Variants in PHACTR4 observed in about 807,000 individuals in gnomAD.
PHACTR4 encodes the protein protein phosphatase 1, regulatory subunit 124.
In PHACTR4, 51 loss-of-function variants were observed where a neutral mutation model predicts 72.7. That is an observed-to-expected ratio of 0.70 (90% CI 0.56 to 0.89). The LOEUF is 0.89. Ranked by LOEUF, PHACTR4 falls within the 40% of genes least tolerant of loss-of-function variation. PHACTR4 has a pLI of 0.00. For missense variants in PHACTR4, 731 were observed against 861.8 expected, an observed-to-expected ratio of 0.85 and a Z score of 1.90; for synonymous variants, 255 against 302.5, an observed-to-expected ratio of 0.84 and a Z score of 1.63.
chr1:28,397,831 G>A (rs1461379686), intron 1 of PHACTR4, among the ~76,000 whole-genome samples: 1 of 151,904 alleles, frequency 6.6e-6, no homozygotes, highest in Admixed American at 6.6e-5. Context: ...GAGTAGCTGG[G>A]ACTACAGGTG....
intron 8 of PHACTR4, among the ~76,000 whole-genome samples, chr1:28,478,945 T>C (rs1430781462): frequency 6.6e-6 from 1 of 152,186 alleles, no homozygotes; most frequent in East Asian, 1.9e-4. Context: ...TTAAGGAACC[T>C]CCATAGTGTT....
At chr1:28,371,859 G>A (rs1651272444) in intron 1 of PHACTR4, among the ~76,000 whole-genome samples, 1 of 151,912 alleles carries the variant, frequency 6.6e-6, no homozygotes, top group Admixed American at 6.6e-5. Flanking sequence ...CTCCCAAAGT[G>A]CTGGTATTAA....
At chr1:28,468,875 C>T (rs907358264) in intron 6 of PHACTR4, among the ~76,000 whole-genome samples, 39 of 152,186 alleles carry the variant, frequency 2.6e-4, no homozygotes, top group African/African-American at 8.9e-4. Context: ...TGCTCTACAC[C>T]AGTGGCATAC....
intron 1 of PHACTR4, 86 bp downstream of exon 1, chr1:28,369,911 C>G: frequency 2.5e-6 from 1 of 400,240 alleles, no homozygotes. Flanking sequence ...CCTTTCTTGG[C>G]TCTGCGAGAG....
intron 1 of PHACTR4, among the ~76,000 whole-genome samples, chr1:28,397,950 T>A (rs2124231041): frequency 6.6e-6 from 1 of 151,980 alleles, no homozygotes. Context: ...CCTGACCTCA[T>A]GATCCGCCCG....
At chr1:28,392,501 C>G (rs569926362) in intron 1 of PHACTR4, among the ~76,000 whole-genome samples, 1 of 151,706 alleles carries the variant, frequency 6.6e-6, no homozygotes, top group Non-Finnish European at 1.5e-5. Context: ...CTCCTGAGCT[C>G]AAACAATCCT....
chr1:28,393,813 T>G (rs1297586570), intron 1 of PHACTR4, among the ~76,000 whole-genome samples: 1 of 152,018 alleles, frequency 6.6e-6, no homozygotes, highest in Non-Finnish European at 1.5e-5. Context: ...TCAGGTGATC[T>G]TCCCACCTCA....
intron 2 of PHACTR4, chr1:28,457,260 C>G (rs1570015188): frequency 4.6e-6 from 2 of 434,276 alleles, no homozygotes; most frequent in East Asian, 1.4e-4. Flanking sequence ...AAATTTAATG[C>G]TGTTGGTTGT....
At chr1:28,389,476 ACTTT>A (rs1282266716) in intron 1 of PHACTR4, among the ~76,000 whole-genome samples, 4 of 137,450 alleles carry the variant, frequency 2.9e-5, no homozygotes, top group African/African-American at 1.2e-4. Context: ...TTTGTATACT[ACTTT>A]TTTTTTTTTT....
At chr1:28,455,201 T>TCTTTC (rs1250797359) in intron 2 of PHACTR4, among the ~76,000 whole-genome samples, 6 of 133,772 alleles carry the variant, frequency 4.5e-5, no homozygotes, top group African/African-American at 1.3e-4. Flanking sequence ...TTTCTTTCTT[T>TCTTTC]TTTTTTTTTT....
chr1:28,449,950 G>C (rs1032350898), intron 2 of PHACTR4, among the ~76,000 whole-genome samples: 16 of 152,014 alleles, frequency 1.1e-4, no homozygotes, highest in Admixed American at 9.8e-4. Context: ...GGTGGTTGAA[G>C]AAACTACTAG....
At chr1:28,384,536 A>G (rs1312156131) in intron 1 of PHACTR4, among the ~76,000 whole-genome samples, 5 of 151,980 alleles carry the variant, frequency 3.3e-5, no homozygotes, top group South Asian at 2.1e-4. Flanking sequence ...TTGTGATTAT[A>G]TTTGAATCTT....
intron 1 of PHACTR4, among the ~76,000 whole-genome samples, chr1:28,394,788 G>C (rs1018056140): frequency 3.3e-5 from 5 of 151,672 alleles, no homozygotes; most frequent in Non-Finnish European, 7.4e-5. Flanking sequence ...TGGAGATGGG[G>C]TTTCTCCATG....
At position 28,466,659 on chromosome 1, in the gene PHACTR4, T is replaced by C; in HGVS notation, c.714T>C (p.Pro238=). Residue 238 remains proline, a synonymous_variant, in exon 6 of 14, where the codon CCT becomes CCC. Coordinates refer to ENST00000373839, the MANE Select transcript of PHACTR4 (RefSeq NM_001048183.3). ...CACCCAGGACTCTGCCTGCTGCTCCTGCCAGCACTAACACTACTGCTACCC... is the reference window on the plus strand; with the variant it reads ...CACCCAGGACTCTGCCTGCTGCTCCCGCCAGCACTAACACTACTGCTACCC... ...SPAPRTLPAA[P]ASTNTTATPS... 1.2e-6 allele frequency: 2 copies of C among 1,614,034 alleles called. No homozygotes were observed. The highest frequency in any genetic ancestry group is 1.1e-5 in the South Asian group (1 of 91,086).
intron 13 of PHACTR4, chr1:28,494,436 C>A (rs1379721548): frequency 6.6e-6 from 1 of 152,212 alleles, no homozygotes; most frequent in Non-Finnish European, 1.5e-5. Context: ...GCAGGTGGAT[C>A]ACTTGAGGCC....
Position 28,452,319 on chromosome 1 carries a change from G to A in PHACTR4, c.17-6766G>A, listed in dbSNP as rs551581568. On this transcript the variant is annotated intron_variant, in intron 2 of 13. Transcript: ENST00000373839. ...CCAGGAGTTCAAGGTCGACCTGGGC[G>A]ACATAGTGAGACCCCATCTCTACAA... is the stretch of plus-strand genomic sequence containing the variant. Among the ~76,000 whole-genome samples, 29 of 151,882 alleles carry A rather than the reference G, an allele frequency of 1.9e-4. No homozygotes were observed. In the South Asian group the frequency reaches 3.3e-3, roughly 17 times the overall value.
chr1:28,403,544 A>G (rs764643531), intron 1 of PHACTR4, among the ~76,000 whole-genome samples: 3 of 152,170 alleles, frequency 2.0e-5, no homozygotes, highest in Non-Finnish European at 4.4e-5. Context: ...GCTCAGATCT[A>G]CTACTTAAAA....
intron 2 of PHACTR4, among the ~76,000 whole-genome samples, chr1:28,447,146 G>C (rs1407315317): frequency 6.6e-6 from 1 of 151,698 alleles, no homozygotes; most frequent in African/African-American, 2.4e-5. Context: ...TGAGTAGCTG[G>C]GACTACAGGC....
At chr1:28,376,632 G>C (rs938482067) in intron 1 of PHACTR4, among the ~76,000 whole-genome samples, 9 of 146,388 alleles carry the variant, frequency 6.1e-5, no homozygotes, top group African/African-American at 2.3e-4. Flanking sequence ...CTGGGCCTAT[G>C]TAGACCTTTT....
Sources: gnomAD v4.1 joint callset for allele counts (sites outside exome capture counted in the v4.1 genomes callset) on GRCh38, gnomAD v4.1.1 for gene constraint, MANE v1.5 for transcripts, NCBI Gene and HGNC (gene_info 2026-07-23, HGNC 2026-07-21) for gene names.